RBPJ: variants seen among roughly 807,000 people sequenced by gnomAD.
RBPJ encodes recombining binding protein suppressor of hairless.
RBPJ carries 9 observed loss-of-function variants against 67.8 expected under a neutral mutation model. The observed-to-expected ratio is 0.13, with a 90% confidence interval of 0.08 to 0.23. RBPJ has a LOEUF of 0.23. RBPJ is among the 10% of genes least tolerant of loss of function. The probability of loss-of-function intolerance (pLI) is 1.00; values close to 1 mark genes in which losing one functional copy is unlikely to be tolerated. For synonymous variants in RBPJ, 198 were observed against 203.3 expected, an observed-to-expected ratio of 0.97 and a Z score of 0.22; for missense variants, 305 against 595.6, an observed-to-expected ratio of 0.51 and a Z score of 5.08.
At chr4:26,163,773 G>T (rs1481011606) in intron 1 of RBPJ, among the ~76,000 whole-genome samples, 1 of 152,214 alleles carries the variant, frequency 6.6e-6, no homozygotes. Context: ...ATCTCTGCAT[G>T]GTAGTGTTCT....
chr4:26,417,787 A>G (rs1238344714), intron 4 of RBPJ, among the ~76,000 whole-genome samples: 3 of 152,226 alleles, frequency 2.0e-5, no homozygotes, highest in Non-Finnish European at 4.4e-5. Context: ...GTGTAAGGAA[A>G]TAGTCTGTTC....
At chr4:26,222,532 A>G (rs1258784636) in intron 1 of RBPJ, among the ~76,000 whole-genome samples, 7 of 148,394 alleles carry the variant, frequency 4.7e-5, no homozygotes, top group Admixed American at 4.7e-4. Flanking sequence ...ATTTAAGGTG[A>G]TGAGTTTTCC....
At chr4:26,416,427 G>A (rs190915256) in intron 4 of RBPJ, among the ~76,000 whole-genome samples, 1 of 152,066 alleles carries the variant, frequency 6.6e-6, no homozygotes, top group African/African-American at 2.4e-5. Flanking sequence ...ATGGGGTTTC[G>A]CCATGTTACC....
At chr4:26,109,456 CTCTCTATA>C in the RBPJ span, among the ~76,000 whole-genome samples, 39 of 18,680 alleles carry the variant, frequency 2.1e-3, 9 homozygotes, top group African/African-American at 3.7e-3. Flanking sequence ...CTCTCTCTCT[CTCTCTATA>C]TATATATATA....
intron 1 of RBPJ, among the ~76,000 whole-genome samples, chr4:26,206,411 C>G (rs1718171892): frequency 6.6e-6 from 1 of 152,194 alleles, no homozygotes; most frequent in African/African-American, 2.4e-5. Context: ...CAGGAGCTCA[C>G]TGTGGTGCTC....
chr4:26,430,905 G>A lies in RBPJ; in HGVS notation c.1362G>A (p.Gln454=), dbSNP rs1064405. 1.9e-6 allele frequency: 3 copies of A among 1,613,982 alleles called. No individual in the cohort carries two copies. Among genetic ancestry groups the A allele is most frequent in the South Asian group, 2.2e-5 (2 of 91,076 alleles). The part of the protein sequence containing the change: ...AGAILRANSS[Q]VPPNESNTNS... Reference sequence around the variant, plus strand: ...CAATCCTTCGAGCCAATTCAAGCCAGGTGCCCCCTAACGAATCAAACACAA... The same window carrying A: ...CAATCCTTCGAGCCAATTCAAGCCAAGTGCCCCCTAACGAATCAAACACAA... The change falls in exon 11 of 11, where the codon CAG becomes CAA. Residue 454 remains glutamine (Q), a synonymous_variant. Coordinates refer to ENST00000355476, the MANE Select transcript of RBPJ (RefSeq NM_015874.6). The surrounding 1 kb of genome is among the most constrained non-coding windows in gnomAD (Gnocchi z 4.1).
chr4:26,291,522 G>T (rs748394937), intron 1 of RBPJ, among the ~76,000 whole-genome samples: 2 of 150,560 alleles, frequency 1.3e-5, no homozygotes, highest in Admixed American at 1.3e-4. Context: ...ATAAGAAAAG[G>T]TGGGGAAGGT....
At chr4:26,308,158 C>T (rs1347531836) in intron 1 of RBPJ, among the ~76,000 whole-genome samples, 1 of 152,162 alleles carries the variant, frequency 6.6e-6, no homozygotes, top group Admixed American at 6.5e-5. Flanking sequence ...CGCCTGTAGT[C>T]CCAGCTAGTC....
the RBPJ span, among the ~76,000 whole-genome samples, chr4:26,145,074 A>T: frequency 6.8e-6 from 1 of 146,494 alleles, no homozygotes. Flanking sequence ...AGTAGTTTAC[A>T]TTTTTCTGAG....
intron 1 of RBPJ, among the ~76,000 whole-genome samples, chr4:26,198,253 T>G (rs1200049942): frequency 8.9e-6 from 1 of 112,670 alleles, no homozygotes; most frequent in Non-Finnish European, 1.8e-5. Context: ...AAACTCCATC[T>G]CAAAAAACAA....
At chr4:26,340,880 AAAAAG>A (rs1226897591) in intron 1 of RBPJ, among the ~76,000 whole-genome samples, 33 of 152,076 alleles carry the variant, frequency 2.2e-4, no homozygotes, top group African/African-American at 5.6e-4. Flanking sequence ...AAGAAAAAAA[AAAAAG>A]AAAGAAAGGT....
At chr4:26,308,479 GATA>G (rs755396699) in intron 1 of RBPJ, among the ~76,000 whole-genome samples, 7 of 152,106 alleles carry the variant, frequency 4.6e-5, no homozygotes, top group Non-Finnish European at 7.3e-5. Flanking sequence ...CACATGTTGA[GATA>G]ATGACAATAA....
intron 1 of RBPJ, among the ~76,000 whole-genome samples, chr4:26,311,264 C>T (rs982854252): frequency 2.6e-5 from 4 of 151,906 alleles, no homozygotes; most frequent in African/African-American, 9.7e-5. Context: ...GGGCCAGGCG[C>T]GGTGGCTCAC....
chr4:26,153,448 G>T, the RBPJ span, among the ~76,000 whole-genome samples: 2 of 152,160 alleles, frequency 1.3e-5, no homozygotes, highest in Non-Finnish European at 2.9e-5. Context: ...GCTGTGTTTT[G>T]ATTAAAAGAT....
At chr4:26,331,092 G>T (rs1034057494) in intron 1 of RBPJ, among the ~76,000 whole-genome samples, 2 of 152,142 alleles carry the variant, frequency 1.3e-5, no homozygotes, top group Non-Finnish European at 2.9e-5. Context: ...TTTAGGGGGA[G>T]GGGAAGGCCT....
intron 1 of RBPJ, among the ~76,000 whole-genome samples, chr4:26,355,891 C>T (rs1321715103): frequency 1.8e-4 from 27 of 152,266 alleles, no homozygotes; most frequent in Non-Finnish European, 1.5e-5. Context: ...CTGGGGATTC[C>T]AGTGAAAGCT....
At chr4:26,155,834 G>A in the RBPJ span, among the ~76,000 whole-genome samples, 90 of 152,324 alleles carry the variant, frequency 5.9e-4, no homozygotes, top group Admixed American at 1.8e-3. Flanking sequence ...GTACAGAGGA[G>A]AGAAGTTTCA....
chr4:26,373,105 G>A (rs1427994508), intron 1 of RBPJ, among the ~76,000 whole-genome samples: 1 of 152,144 alleles, frequency 6.6e-6, no homozygotes, highest in Admixed American at 6.5e-5. Context: ...AAGAAGAAAT[G>A]TATTGCTTTG....
At chr4:26,230,044 G>A (rs1419784289) in intron 1 of RBPJ, among the ~76,000 whole-genome samples, 2 of 152,052 alleles carry the variant, frequency 1.3e-5, no homozygotes, top group Non-Finnish European at 2.9e-5. Flanking sequence ...ACAAAAAATA[G>A]TTGAGCATGG....
Sources: allele counts gnomAD v4.1 joint callset (sites outside exome capture counted in the v4.1 genomes callset), GRCh38; gene constraint gnomAD v4.1.1; non-coding constraint Gnocchi (gnomAD v3.1); transcripts MANE v1.5; gene names NCBI Gene and HGNC (gene_info 2026-07-23, HGNC 2026-07-21).